The following SFMBT1 variants were observed in gnomAD, a reference collection of about 807,000 sequenced individuals.
SFMBT1 encodes scm-like with four MBT domains protein 1.
In SFMBT1, 32 loss-of-function variants were observed where a neutral mutation model predicts 108.7. The observed-to-expected ratio is 0.29, with a 90% CI of 0.22 to 0.40. The LOEUF (loss-of-function observed/expected upper bound fraction) is 0.40. Ranked by LOEUF, SFMBT1 falls within the 10% of genes least tolerant of loss-of-function variation. SFMBT1 has a pLI of 1.00. For missense variants in SFMBT1, 816 were observed against 1,059.6 expected (o/e 0.77, Z 3.19); for synonymous variants, 348 against 369.5 (o/e 0.94, Z 0.67).
intron 1 of SFMBT1, among the ~76,000 whole-genome samples, chr3:53,035,167 C>T (rs1699827894): frequency 6.6e-6 from 1 of 151,766 alleles, no homozygotes; most frequent in African/African-American, 2.4e-5. Context: ...AAGGATTCCG[C>T]ATGCCTTCCT....
intron 1 of SFMBT1, among the ~76,000 whole-genome samples, chr3:52,978,344 T>TAAGC (rs1454573326): frequency 6.6e-6 from 1 of 152,008 alleles, no homozygotes; most frequent in Non-Finnish European, 1.5e-5. Flanking sequence ...TGGTGCCAAG[T>TAAGC]AAGCAAGCAA....
chr3:52,970,034 C>T lies in SFMBT1; in HGVS notation c.-130-776G>A, dbSNP rs1040682809. Reference sequence around the variant, plus strand: ...GGGAGGATGGCTTGAGTCTGGGGGACGGAGGTTGCAGAGCCAAGATCGCAC... The same window carrying T: ...GGGAGGATGGCTTGAGTCTGGGGGATGGAGGTTGCAGAGCCAAGATCGCAC... On this transcript the variant is annotated intron_variant, in intron 1 of 20. Transcript: ENST00000394752. Among the ~76,000 whole-genome samples, 4 of 151,026 alleles carry T rather than the reference C, an allele frequency of 2.6e-5. 1 individual carries two copies. Among genetic ancestry groups the T allele is most frequent in the African/African-American group, 2.4e-5 (1 of 41,034 alleles).
intron 1 of SFMBT1, among the ~76,000 whole-genome samples, chr3:53,032,754 T>C (rs1699729982): frequency 6.6e-6 from 1 of 152,174 alleles, no homozygotes; most frequent in Non-Finnish European, 1.5e-5. Flanking sequence ...TGACCTTGAG[T>C]TCACAGTTTA....
intron 1 of SFMBT1, among the ~76,000 whole-genome samples, chr3:53,035,484 A>G (rs1020643671): frequency 5.3e-5 from 8 of 152,244 alleles, no homozygotes; most frequent in African/African-American, 1.9e-4. Flanking sequence ...TTATGGGTTG[A>G]ATAAGCCTAC....
chr3:52,931,424 C>T (rs905774370), intron 6 of SFMBT1, among the ~76,000 whole-genome samples: 4 of 152,126 alleles, frequency 2.6e-5, no homozygotes, highest in Non-Finnish European at 5.9e-5. Flanking sequence ...ATGTACCTAG[C>T]TAAATGCTCC....
At chr3:53,004,563 C>T (rs1329550270) in intron 1 of SFMBT1, among the ~76,000 whole-genome samples, 4 of 149,974 alleles carry the variant, frequency 2.7e-5, no homozygotes, top group East Asian at 1.9e-4. Context: ...TGAGCCACCA[C>T]GCCTGGCCAT....
rs55688451 is a variant in SFMBT1 at position 52,972,841 on chromosome 3, AACACACAC to A, written c.-130-3591_-130-3584del. 2.9e-3 allele frequency among the ~76,000 whole-genome samples: 339 copies of A among 118,912 alleles called. 4 individuals are homozygous for A. The highest frequency in any genetic ancestry group is 0.01 in the African/African-American group (307 of 29,432). The allele number at this position is 118,912 out of a possible 152,430, so 78.0% of individuals were successfully genotyped here. On this transcript the variant is annotated intron_variant, in intron 1 of 20. Coordinates refer to ENST00000394752, the MANE Select transcript of SFMBT1 (RefSeq NM_016329.4). ...ATGTGGTAAAACCCCATCTCTACTA[AACACACAC>A]ACACACACACACACACACACACACA...
chr3:52,938,638 T>TA (rs1703094215), intron 4 of SFMBT1, among the ~76,000 whole-genome samples: 2 of 70,656 alleles, frequency 2.8e-5, no homozygotes, highest in Non-Finnish European at 6.8e-5. Flanking sequence ...GCAATAAAGC[T>TA]GTTTTTTTTT....
At chr3:52,959,765 C>T (rs1464024360) in intron 2 of SFMBT1, among the ~76,000 whole-genome samples, 4 of 152,124 alleles carry the variant, frequency 2.6e-5, no homozygotes, top group Admixed American at 2.6e-4. Context: ...TCTTACAATA[C>T]TCTTGTTAAG....
intron 4 of SFMBT1, among the ~76,000 whole-genome samples, chr3:52,940,687 G>C (rs1299740195): frequency 6.6e-6 from 1 of 152,082 alleles, no homozygotes; most frequent in Non-Finnish European, 1.5e-5. Flanking sequence ...TTTATAAATG[G>C]ATACTAAGAA....
chr3:53,014,613 G>C (rs1475637530), intron 1 of SFMBT1, among the ~76,000 whole-genome samples: 1 of 152,156 alleles, frequency 6.6e-6, no homozygotes, highest in African/African-American at 2.4e-5. Flanking sequence ...AAAAGCTCTG[G>C]AGACCAACAG....
chr3:53,027,613 C>T (rs1469412658), intron 1 of SFMBT1, among the ~76,000 whole-genome samples: 2 of 152,210 alleles, frequency 1.3e-5, no homozygotes, highest in African/African-American at 4.8e-5. Flanking sequence ...TGATTCAGTG[C>T]CTACCATCTG....
At chr3:52,997,771 G>T (rs1698389804) in intron 1 of SFMBT1, among the ~76,000 whole-genome samples, 1 of 150,116 alleles carries the variant, frequency 6.7e-6, no homozygotes, top group Non-Finnish European at 1.5e-5. Context: ...CATTTTGGGG[G>T]TAATAAAATG....
At chr3:53,045,217 T>C (rs1468652135) in intron 1 of SFMBT1, 1 of 149,464 alleles carries the variant, frequency 6.7e-6, no homozygotes, top group Non-Finnish European at 1.5e-5. Flanking sequence ...GAGCCACCGG[T>C]TGCGGCGGCC....
chr3:52,912,711 G>C, intron 15 of SFMBT1, 64 bp from the exon 16 acceptor site: 2 of 1,150,926 alleles, frequency 1.7e-6, no homozygotes, highest in Middle Eastern at 5.0e-4. Context: ...TTAGAATCTT[G>C]TCATCTCTTC....
At chr3:52,974,239 C>T (rs1704441172) in intron 1 of SFMBT1, among the ~76,000 whole-genome samples, 1 of 152,220 alleles carries the variant, frequency 6.6e-6, no homozygotes, top group African/African-American at 2.4e-5. Flanking sequence ...AATTTGTACA[C>T]TTATCCCTCA....
At chr3:53,039,886 T>G (rs1393025969) in intron 1 of SFMBT1, among the ~76,000 whole-genome samples, 1 of 152,174 alleles carries the variant, frequency 6.6e-6, no homozygotes, top group Non-Finnish European at 1.5e-5. Context: ...ATATAAACAT[T>G]TTTAATAATA....
chr3:52,951,304 C>G (rs1169697873), intron 3 of SFMBT1, among the ~76,000 whole-genome samples: 1 of 151,418 alleles, frequency 6.6e-6, no homozygotes, highest in Non-Finnish European at 1.5e-5. Context: ...TAATTTAGAG[C>G]TGTGTATCAA....
intron 7 of SFMBT1, among the ~76,000 whole-genome samples, chr3:52,930,726 GGTTCAAACTA>G (rs1702830909): frequency 6.6e-6 from 1 of 152,164 alleles, no homozygotes; most frequent in Admixed American, 6.5e-5. Flanking sequence ...AAAAAGAAAA[GGTTCAAACTA>G]CTTTAGGAGA....
Sources: allele counts gnomAD v4.1 joint callset (sites outside exome capture counted in the v4.1 genomes callset), GRCh38; gene constraint gnomAD v4.1.1; transcripts MANE v1.5; gene names NCBI Gene and HGNC (gene_info 2026-07-23, HGNC 2026-07-21).